The following SSBP3 variants were observed in gnomAD, a reference collection of about 807,000 sequenced individuals.
The protein encoded by SSBP3 is single stranded DNA binding protein 3.
Under a neutral mutation model 69.6 loss-of-function variants are expected in SSBP3, and 5 were observed. That is an observed-to-expected ratio of 0.07 (90% CI 0.04 to 0.15). The LOEUF (loss-of-function observed/expected upper bound fraction) is 0.15, where lower values mean the gene tolerates loss of function less well. Ranked by LOEUF, SSBP3 falls within the 10% of genes least tolerant of loss-of-function variation. SSBP3 has a pLI of 1.00. For missense variants in SSBP3, 312 were observed against 534.0 expected (o/e 0.58, Z 4.10); for synonymous variants, 196 against 193.4 (o/e 1.01, Z -0.11).
At position 54,386,683 on chromosome 1, in the gene SSBP3, C is replaced by CTTTT. The variant is rs58429798; in HGVS notation, c.276+15174_276+15177dup. ...ATCCACAATGTATAAACTGATCCTA[C>CTTTT]TTTTTTTTTTTTTTTTTTTTTAAGA... On this transcript the variant is annotated intron_variant, in intron 4 of 17. Coordinates refer to ENST00000610401, the Ensembl canonical transcript of SSBP3. Among the ~76,000 whole-genome samples the CTTTT allele has an allele frequency of 7.8e-3, 594 of 76,068 alleles. 106 individuals carry two copies. Among genetic ancestry groups the CTTTT allele is most frequent in the African/African-American group, 0.034 (498 of 14,566 alleles). 49.9% of individuals were successfully genotyped at this position (76,068 alleles called of 152,430 possible).
intron 4 of SSBP3, among the ~76,000 whole-genome samples, chr1:54,335,119 C>T (rs957347488): frequency 6.6e-6 from 1 of 152,158 alleles, no homozygotes; most frequent in African/African-American, 2.4e-5. Context: ...CCAGCTCTGC[C>T]CTTTGTTTGC....
At chr1:54,252,887 T>C (rs535191121) in intron 7 of SSBP3, among the ~76,000 whole-genome samples, 9 of 152,196 alleles carry the variant, frequency 5.9e-5, no homozygotes, top group Non-Finnish European at 1.3e-4. Context: ...TCAGTGCTGA[T>C]CAAAGGCTGG....
chr1:54,227,597 A>C (rs182091905), intron 17 of SSBP3, among the ~76,000 whole-genome samples: 138 of 151,862 alleles, frequency 9.1e-4, no homozygotes, highest in African/African-American at 3.3e-3. Context: ...TTTCTTTTTG[A>C]GACAAGGTCT....
At chr1:54,289,896 G>A (rs1013426375) in intron 4 of SSBP3, among the ~76,000 whole-genome samples, 1 of 152,154 alleles carries the variant, frequency 6.6e-6, no homozygotes, top group Non-Finnish European at 1.5e-5. Context: ...CAGCCACCTA[G>A]TCAGAGAAGG....
chr1:54,296,834 G>A (rs765038499), intron 4 of SSBP3, among the ~76,000 whole-genome samples: 9 of 152,062 alleles, frequency 5.9e-5, no homozygotes, highest in Admixed American at 1.3e-4. Flanking sequence ...ATCACTCTCC[G>A]GCAGACCAGA....
chr1:54,405,057 A>G, intron 1 of SSBP3, 127 bp from the exon 2 acceptor site: 1 of 827,986 alleles, frequency 1.2e-6, no homozygotes, highest in Non-Finnish European at 2.0e-6. Context: ...GACCAGAGGT[A>G]AGCAGCTAGC....
chr1:54,339,952 A>C (rs772868202), intron 4 of SSBP3, among the ~76,000 whole-genome samples: 1 of 152,156 alleles, frequency 6.6e-6, no homozygotes, highest in Non-Finnish European at 1.5e-5. Context: ...GGAAAGGCGG[A>C]AAGGTCAAAC....
At chr1:54,235,577 T>G (rs1644477003) in intron 14 of SSBP3, among the ~76,000 whole-genome samples, 1 of 150,702 alleles carries the variant, frequency 6.6e-6, no homozygotes, top group Non-Finnish European at 1.5e-5. Flanking sequence ...CTCAGCCTCC[T>G]GAGTAGCTGG....
chr1:54,310,731 C>CT (rs1197569576), intron 4 of SSBP3, among the ~76,000 whole-genome samples: 1 of 152,222 alleles, frequency 6.6e-6, no homozygotes, highest in African/African-American at 2.4e-5. Context: ...AGTTCCAACT[C>CT]TGTGCTTCCA....
rs200482222 is a variant in SSBP3, at chr1:54,285,679, AG to A, written c.277-4153del. Among the ~76,000 whole-genome samples, 1,521 of 152,166 alleles carry A rather than the reference AG, an allele frequency of 1.0e-2. 32 individuals are homozygous for A. The highest frequency in any genetic ancestry group is 0.035 in the African/African-American group (1,435 of 41,496). On this transcript the variant is annotated intron_variant, in intron 4 of 17. Coordinates refer to ENST00000610401, the Ensembl canonical transcript of SSBP3. The stretch of plus-strand genomic sequence containing the variant: ...CCTCCCTCTGTGGTTTCCAACTTTG[AG>A]CTGGAGCTCCATTAAGGCGCTCAGC...
At chr1:54,339,596 G>A (rs1646571007) in intron 4 of SSBP3, among the ~76,000 whole-genome samples, 1 of 152,116 alleles carries the variant, frequency 6.6e-6, no homozygotes, top group Admixed American at 6.5e-5. Flanking sequence ...TGCAGGAGAG[G>A]GGAATCTCTA....
At chr1:54,409,306 T>C (rs983783921), upstream of SSBP3, among the ~76,000 whole-genome samples, 1 of 152,136 alleles carries the variant, frequency 6.6e-6, no homozygotes, top group African/African-American at 2.4e-5. Flanking sequence ...CCTGTCCTTC[T>C]GTCCCTCCAA....
intron 4 of SSBP3, among the ~76,000 whole-genome samples, chr1:54,316,396 T>G (rs1220539761): frequency 6.7e-6 from 1 of 148,196 alleles, no homozygotes; most frequent in African/African-American, 2.5e-5. Flanking sequence ...TCCCAGCACT[T>G]TGGGAGGCCG....
chr1:54,276,174 G>GT (rs920696239), intron 5 of SSBP3, among the ~76,000 whole-genome samples: 6 of 152,192 alleles, frequency 3.9e-5, no homozygotes, highest in African/African-American at 1.4e-4. Context: ...AAGATGGCAA[G>GT]TATCTAGATG....
chr1:54,341,721 AAAAG>A (rs937396834), intron 4 of SSBP3, among the ~76,000 whole-genome samples: 7 of 152,056 alleles, frequency 4.6e-5, no homozygotes, highest in Admixed American at 4.6e-4. Flanking sequence ...GAAAAAAAAA[AAAAG>A]AAGTCCTGGG....
chr1:54,225,498 CAT>C, exon 18 of SSBP3: 1 of 1,107,016 alleles, frequency 9.0e-7, no homozygotes, highest in Non-Finnish European at 1.1e-6. Context: ...TACAATGTAT[CAT>C]AATTACTTTT....
chr1:54,345,695 G>A (rs550802516), intron 4 of SSBP3, among the ~76,000 whole-genome samples: 2 of 152,260 alleles, frequency 1.3e-5, no homozygotes, highest in African/African-American at 4.8e-5. Flanking sequence ...CCTGACCATG[G>A]CACAGAGCAG....
intron 4 of SSBP3, among the ~76,000 whole-genome samples, chr1:54,339,598 G>T (rs1406003221): frequency 2.6e-5 from 4 of 152,064 alleles, no homozygotes; most frequent in Non-Finnish European, 1.5e-5. Context: ...CAGGAGAGGG[G>T]AATCTCTAGT....
chr1:54,298,357 G>A (rs939045632), intron 4 of SSBP3, among the ~76,000 whole-genome samples: 2 of 152,206 alleles, frequency 1.3e-5, no homozygotes, highest in African/African-American at 4.8e-5. Context: ...CGAGGGGGCA[G>A]CAGGAAGGAA....
Sources: gnomAD v4.1 joint callset for allele counts (sites outside exome capture counted in the v4.1 genomes callset) on GRCh38, gnomAD v4.1.1 for gene constraint, MANE v1.5 for transcripts, NCBI Gene and HGNC (gene_info 2026-07-23, HGNC 2026-07-21) for gene names.